The following VAT1L variants were observed in gnomAD, a reference collection of about 807,000 sequenced individuals.
VAT1L encodes vesicle amine transport 1 like, also known as putative NADPH-dependent quinone oxidoreductase VAT1L.
In VAT1L, 34 loss-of-function variants were observed where a neutral mutation model predicts 44.1. The observed-to-expected ratio is 0.77, with a 90% CI of 0.59 to 1.03. The LOEUF is 1.03. Ranked by LOEUF, VAT1L falls within the 50% of genes least tolerant of loss-of-function variation. The probability of loss-of-function intolerance (pLI) is 0.00; values close to 1 mark genes in which losing one functional copy is unlikely to be tolerated. For missense variants in VAT1L, 615 were observed against 538.8 expected (o/e 1.14, Z -1.40); for synonymous variants, 253 against 202.2 (o/e 1.25, Z -2.13).
chr16:77,890,939 A>G (rs1365902755), intron 7 of VAT1L, among the ~76,000 whole-genome samples: 2 of 147,492 alleles, frequency 1.4e-5, no homozygotes, highest in Non-Finnish European at 3.0e-5. Context: ...AAAAAAAAAG[A>G]CATTATCTTT....
At chr16:77,930,358 T>C (rs1306711804) in intron 7 of VAT1L, among the ~76,000 whole-genome samples, 1 of 152,152 alleles carries the variant, frequency 6.6e-6, no homozygotes, top group Non-Finnish European at 1.5e-5. Context: ...TTCCAAACAA[T>C]GGCCAATTCC....
intron 4 of VAT1L, among the ~76,000 whole-genome samples, chr16:77,864,441 CA>C (rs370069031): frequency 3.4e-5 from 5 of 149,048 alleles, no homozygotes; most frequent in Admixed American, 2.0e-4. Flanking sequence ...TGTGCCCCCC[CA>C]CAAAAATACA....
At chr16:77,827,844 A>G (rs1158164843) in intron 3 of VAT1L, among the ~76,000 whole-genome samples, 2 of 152,238 alleles carry the variant, frequency 1.3e-5, no homozygotes, top group African/African-American at 4.8e-5. Context: ...CAAAGCTGTT[A>G]TAGTAAATGC....
chr16:77,901,621 T>C (rs116046554), intron 7 of VAT1L, among the ~76,000 whole-genome samples: 165 of 152,316 alleles, frequency 1.1e-3, no homozygotes, highest in African/African-American at 3.8e-3. Flanking sequence ...TTAGGCACAA[T>C]GTGGTTCTAA....
chr16:77,866,098 A>AT (rs2142445593), intron 4 of VAT1L, among the ~76,000 whole-genome samples: 1 of 152,294 alleles, frequency 6.6e-6, no homozygotes, highest in East Asian at 1.9e-4. Context: ...GAAGTTACAG[A>AT]TACGTTTACA....
At chr16:77,822,325 G>C (rs552161995) in intron 2 of VAT1L, among the ~76,000 whole-genome samples, 1 of 152,078 alleles carries the variant, frequency 6.6e-6, no homozygotes. Context: ...GTAGAGACGG[G>C]GTTTCTCCAT....
chr16:77,946,279 C>CGTTTTTTTT lies in VAT1L; in HGVS notation c.1078-25571_1078-25570insGTTTTTTTT, dbSNP rs1223152362. ...GTTCTGGACATCTAGGTTACTTGTT[C>CGTTTTTTTT]TTTTTTTTTTTTTTTTTTTTTTGAG... On this transcript the variant is annotated intron_variant, in intron 7 of 8. Transcript: ENST00000302536. Among the ~76,000 whole-genome samples, 38 of 70,414 alleles carry CGTTTTTTTT rather than the reference C, an allele frequency of 5.4e-4. 3 individuals carry two copies. The highest frequency in any genetic ancestry group is 2.0e-3 in the African/African-American group (37 of 18,902). 46.2% of individuals were successfully genotyped at this position (70,414 alleles called of 152,430 possible). A position where few individuals can be genotyped will look rare whatever the true frequency, so the allele number is the denominator to read the frequency against.
rs1036100832 is a variant in VAT1L, at chr16:77,788,630, C to G, written c.-53C>G. 4 of 1,537,044 alleles carry G rather than the reference C, an allele frequency of 2.6e-6. No homozygotes were observed. The highest frequency in any genetic ancestry group is 3.5e-6 in the Non-Finnish European group (4 of 1,139,690). ...CGGGAGAGGAGCCCCACTCCCCCAG[C>G]GCCGCAGCCACCGCAGCCACCGCAG... On this transcript the variant is annotated 5_prime_UTR_variant, in exon 1 of 9. Coordinates refer to ENST00000302536, the MANE Select transcript of VAT1L (RefSeq NM_020927.3).
chr16:77,965,214 G>A (rs1176243685), intron 7 of VAT1L, among the ~76,000 whole-genome samples: 1 of 152,094 alleles, frequency 6.6e-6, no homozygotes, highest in Admixed American at 6.5e-5. Context: ...TCTGTTGAAT[G>A]ACTGAACAAA....
intron 3 of VAT1L, 100 bp from the exon 4 acceptor site, chr16:77,862,646 AAG>A: frequency 1.6e-5 from 17 of 1,084,294 alleles, no homozygotes; most frequent in South Asian, 7.5e-5. Context: ...AAAAAAAAAA[AAG>A]TCAATAGTGC....
chr16:77,864,591 C>T (rs1352557143), intron 4 of VAT1L, among the ~76,000 whole-genome samples: 1 of 152,090 alleles, frequency 6.6e-6, no homozygotes. Flanking sequence ...GGGTGACAGA[C>T]AGCAAGAGCC....
intron 7 of VAT1L, among the ~76,000 whole-genome samples, chr16:77,920,092 T>A (rs1006865946): frequency 6.6e-6 from 1 of 151,774 alleles, no homozygotes; most frequent in Non-Finnish European, 1.5e-5. Flanking sequence ...AAAAAATAAA[T>A]AAATAAAATC....
chr16:77,798,435 A>G (rs1597162544), intron 1 of VAT1L, among the ~76,000 whole-genome samples: 1 of 152,210 alleles, frequency 6.6e-6, no homozygotes, highest in East Asian at 1.9e-4. Context: ...TGTAATATGG[A>G]TGGGGTAAAA....
chr16:77,800,479 T>A (rs2016026577), intron 1 of VAT1L: 1 of 152,254 alleles, frequency 6.6e-6, no homozygotes, highest in Non-Finnish European at 1.5e-5. Context: ...TTCGTAGGTA[T>A]CAGGCACCCC....
At chr16:77,903,472 T>C (rs959051732) in intron 7 of VAT1L, among the ~76,000 whole-genome samples, 1 of 152,104 alleles carries the variant, frequency 6.6e-6, no homozygotes, top group Non-Finnish European at 1.5e-5. Context: ...CTATAATAGA[T>C]ACTAAAAATA....
chr16:77,836,044 G>A (rs1368176596), intron 3 of VAT1L, among the ~76,000 whole-genome samples: 1 of 152,118 alleles, frequency 6.6e-6, no homozygotes, highest in Non-Finnish European at 1.5e-5. Context: ...CTGTATAGTG[G>A]AGGTGATGTT....
chr16:77,901,688 A>G (rs913500993), intron 7 of VAT1L, among the ~76,000 whole-genome samples: 1 of 152,110 alleles, frequency 6.6e-6, no homozygotes, highest in African/African-American at 2.4e-5. Context: ...AGACATCACT[A>G]ATCAATCCCA....
At chr16:77,886,818 A>C (rs957565003) in intron 7 of VAT1L, among the ~76,000 whole-genome samples, 1 of 152,168 alleles carries the variant, frequency 6.6e-6, no homozygotes, top group Admixed American at 6.6e-5. Flanking sequence ...ATGTTGCTTA[A>C]CTTATTTTTC....
At position 77,817,028 on chromosome 16, in the gene VAT1L, G is replaced by C; in HGVS notation, c.341G>C (p.Gly114Ala). ...FECSGIVEAL[G>A]DSVKGYEIGD... The stretch of plus-strand genomic sequence containing the variant: ...TGTTCTGGGATTGTTGAAGCTCTGG[G>C]GGACAGCGTGAAAGGATATGAGGTA... The change falls in exon 2 of 9, where the codon GGG becomes GCG. Residue 114 changes from glycine (G) to alanine (A), a missense_variant. Gly to Ala is a moderately conservative substitution (Grantham distance 60). Transcript: ENST00000302536. 1 of 1,613,980 alleles carries C rather than the reference G, an allele frequency of 6.2e-7. No homozygotes were observed. Among genetic ancestry groups the C allele is most frequent in the Non-Finnish European group, 8.5e-7 (1 of 1,179,924 alleles).
Sources: gnomAD v4.1 joint callset for allele counts (sites outside exome capture counted in the v4.1 genomes callset) on GRCh38, gnomAD v4.1.1 for gene constraint, MANE v1.5 for transcripts, NCBI Gene and HGNC (gene_info 2026-07-23, HGNC 2026-07-21) for gene names.